The following ARHGAP10 variants were observed in gnomAD, a reference collection of about 807,000 sequenced individuals.
ARHGAP10 encodes the protein rho GTPase-activating protein 10.
In ARHGAP10, 87 loss-of-function variants were observed where a neutral mutation model predicts 108.6. The ratio of observed to expected loss-of-function variants is 0.80; its 90% CI spans 0.67 to 0.96. The LOEUF (loss-of-function observed/expected upper bound fraction) is 0.96, where lower values mean the gene tolerates loss of function less well. ARHGAP10 is among the 40% of genes least tolerant of loss of function. The pLI is 0.00. For missense variants in ARHGAP10, 939 were observed against 954.5 expected (o/e 0.98, Z 0.21); for synonymous variants, 347 against 341.1 (o/e 1.02, Z -0.19).
chr4:147,755,735 T>C lies in ARHGAP10; in HGVS notation c.154+23280T>C, dbSNP rs182079705. 1.2e-3 allele frequency among the ~76,000 whole-genome samples: 176 copies of C among 152,280 alleles called. 1 individual carries two copies. Among genetic ancestry groups the C allele is most frequent in the African/African-American group, 4.0e-3 (166 of 41,572 alleles). Reference sequence around the variant, plus strand: ...TTATATAGTGTAGGTGATATTTTTCTATTTGGCTCTTTTAGAAGCTGGACT... The same window carrying C: ...TTATATAGTGTAGGTGATATTTTTCCATTTGGCTCTTTTAGAAGCTGGACT... On this transcript the variant is annotated intron_variant, in intron 1 of 22. Coordinates refer to ENST00000336498, the MANE Select transcript of ARHGAP10 (RefSeq NM_024605.4).
chr4:147,931,390 T>TATC (rs1258126527), intron 13 of ARHGAP10, among the ~76,000 whole-genome samples: 1 of 152,072 alleles, frequency 6.6e-6, no homozygotes, highest in African/African-American at 2.4e-5. Flanking sequence ...ACAATATTGA[T>TATC]ATCAATATCA....
intron 7 of ARHGAP10, among the ~76,000 whole-genome samples, chr4:147,872,099 C>CAAAAA (rs36205660): frequency 1.5e-3 from 103 of 69,990 alleles, no homozygotes; most frequent in Non-Finnish European, 3.1e-3. Context: ...GAGACTCGGT[C>CAAAAA]AAAAAAAAAA....
chr4:147,909,330 A>C (rs1331921265), intron 11 of ARHGAP10, among the ~76,000 whole-genome samples: 2 of 152,310 alleles, frequency 1.3e-5, no homozygotes, highest in East Asian at 1.9e-4. Context: ...ACGGAAGCTT[A>C]TCAGAGCTTG....
intron 10 of ARHGAP10, among the ~76,000 whole-genome samples, chr4:147,895,512 C>CAAAAAAA: frequency 1.2e-5 from 1 of 85,308 alleles, no homozygotes; most frequent in Non-Finnish European, 2.1e-5. Context: ...GACCCTGTCT[C>CAAAAAAA]AAAAAAAAAA....
intron 15 of ARHGAP10, among the ~76,000 whole-genome samples, chr4:147,954,658 T>A (rs1444504155): frequency 6.6e-6 from 1 of 152,054 alleles, no homozygotes; most frequent in Non-Finnish European, 1.5e-5. Context: ...TTTATAAAGC[T>A]AGTTGCTCTG....
chr4:147,744,397 CAAG>C (rs975078774), intron 1 of ARHGAP10, among the ~76,000 whole-genome samples: 9 of 151,814 alleles, frequency 5.9e-5, no homozygotes, highest in Middle Eastern at 6.8e-3. Context: ...GGGGGAGGGT[CAAG>C]AAGGCCCTTG....
chr4:147,911,244 G>A (rs1736717459), intron 12 of ARHGAP10, among the ~76,000 whole-genome samples: 1 of 152,060 alleles, frequency 6.6e-6, no homozygotes, highest in South Asian at 2.1e-4. Flanking sequence ...AGCACTATGG[G>A]TTATGTATGA....
intron 18 of ARHGAP10, among the ~76,000 whole-genome samples, chr4:148,007,976 C>G (rs757214248): frequency 5.9e-5 from 9 of 152,174 alleles, no homozygotes; most frequent in Non-Finnish European, 1.2e-4. Flanking sequence ...CCCAGTCAAT[C>G]AGGACTGCAG....
intron 10 of ARHGAP10, among the ~76,000 whole-genome samples, chr4:147,893,315 C>G (rs1317580795): frequency 1.3e-5 from 2 of 151,972 alleles, no homozygotes; most frequent in East Asian, 3.9e-4. Flanking sequence ...GCCTCAGCCT[C>G]CCAAAGTGCT....
At chr4:147,808,787 C>T (rs1416548912) in intron 1 of ARHGAP10, 1 of 152,340 alleles carries the variant, frequency 6.6e-6, no homozygotes, top group Non-Finnish European at 1.5e-5. Flanking sequence ...CTGCACTCTT[C>T]TAGGACCTCA....
At chr4:147,797,887 A>T (rs1025740692) in intron 1 of ARHGAP10, among the ~76,000 whole-genome samples, 2 of 151,988 alleles carry the variant, frequency 1.3e-5, no homozygotes, top group African/African-American at 4.8e-5. Context: ...ATCCCATCTC[A>T]TCTAGCTCAT....
chr4:147,784,160 AATT>A (rs1730701983), intron 1 of ARHGAP10, among the ~76,000 whole-genome samples: 2 of 109,936 alleles, frequency 1.8e-5, no homozygotes, highest in Non-Finnish European at 1.8e-5. Flanking sequence ...CATAACATTA[AATT>A]GTGTATTATA....
At chr4:147,820,452 AT>A (rs1732440327) in intron 1 of ARHGAP10, among the ~76,000 whole-genome samples, 1 of 151,096 alleles carries the variant, frequency 6.6e-6, no homozygotes, top group African/African-American at 2.4e-5. Context: ...CGCCCGGCTA[AT>A]TTTTGTGTTT....
At chr4:148,039,668 T>G (rs1023077438) in intron 19 of ARHGAP10, among the ~76,000 whole-genome samples, 4 of 152,082 alleles carry the variant, frequency 2.6e-5, no homozygotes, top group African/African-American at 9.7e-5. Context: ...AATCTGATTC[T>G]TTTTCTTTTT....
At chr4:147,750,057 A>G (rs762685205) in intron 1 of ARHGAP10, among the ~76,000 whole-genome samples, 3 of 152,228 alleles carry the variant, frequency 2.0e-5, no homozygotes, top group Non-Finnish European at 1.5e-5. Context: ...AAGATTTTAA[A>G]AAGTGCTTCT....
chr4:147,804,705 G>T (rs982139158), intron 1 of ARHGAP10, among the ~76,000 whole-genome samples: 1 of 152,136 alleles, frequency 6.6e-6, no homozygotes, highest in African/African-American at 2.4e-5. Context: ...GTATCTCATT[G>T]TAGTTTTGAT....
intron 19 of ARHGAP10, among the ~76,000 whole-genome samples, chr4:148,025,715 A>T (rs1741740690): frequency 6.6e-6 from 1 of 152,124 alleles, no homozygotes; most frequent in South Asian, 2.1e-4. Flanking sequence ...CCAGAAGAAG[A>T]TGTATTCTTG....
intron 15 of ARHGAP10, among the ~76,000 whole-genome samples, chr4:147,947,980 G>T (rs1250098743): frequency 6.9e-6 from 1 of 145,552 alleles, no homozygotes; most frequent in East Asian, 2.0e-4. Flanking sequence ...CTTGCTGTTG[G>T]CCCGGGCTGG....
intron 18 of ARHGAP10, among the ~76,000 whole-genome samples, chr4:147,974,419 A>G (rs1163844382): frequency 6.6e-6 from 1 of 152,168 alleles, no homozygotes; most frequent in Non-Finnish European, 1.5e-5. Context: ...AGAGCCTGTG[A>G]AAAGCATCAA....
Sources: allele counts gnomAD v4.1 joint callset (sites outside exome capture counted in the v4.1 genomes callset), GRCh38; gene constraint gnomAD v4.1.1; transcripts MANE v1.5; gene names NCBI Gene and HGNC (gene_info 2026-07-23, HGNC 2026-07-21).